The following MAP3K3 variants were observed in gnomAD, a reference collection of about 807,000 sequenced individuals.
MAP3K3 encodes mitogen-activated protein kinase kinase kinase 3.
A neutral mutation model predicts 80.9 loss-of-function variants in MAP3K3; 12 were observed. The ratio of observed to expected loss-of-function variants is 0.15; its 90% confidence interval spans 0.10 to 0.24. The LOEUF is 0.24. MAP3K3 is among the 10% of genes least tolerant of loss of function. MAP3K3 has a pLI of 1.00. For synonymous variants in MAP3K3, 272 were observed against 307.1 expected, an observed-to-expected ratio of 0.89 and a Z score of 1.19; for missense variants, 596 against 834.7, an observed-to-expected ratio of 0.71 and a Z score of 3.52.
At position 63,652,640 on chromosome 17, in the gene MAP3K3, A is replaced by G; in HGVS notation, c.251A>G (p.His84Arg). Reference protein sequence around the residue: ...TTVFGQPLDLHYMNNELSILL... With the variant: ...TTVFGQPLDLRYMNNELSILL... Reference sequence around the variant, plus strand: ...GTATTTGGACAACCTCTTGATCTACATTACATGAACAATGAGGTGAGAAGG... The same window carrying G: ...GTATTTGGACAACCTCTTGATCTACGTTACATGAACAATGAGGTGAGAAGG... The change falls in exon 4 of 16, where the codon CAT (histidine) becomes CGT (arginine). Residue 84 changes from histidine to arginine, a missense_variant. Coordinates refer to ENST00000361733, the MANE Select transcript of MAP3K3 (RefSeq NM_002401.5). The G allele has an allele frequency of 6.2e-7, 1 of 1,612,708 alleles. No homozygotes were observed. The highest frequency in any genetic ancestry group is 8.5e-7 in the Non-Finnish European group (1 of 1,178,642).
At chr17:63,690,231 A>C (rs2035555586) in intron 11 of MAP3K3, 33 bp from the exon 12 acceptor site, 1 of 1,602,528 alleles carries the variant, frequency 6.2e-7, no homozygotes, top group Non-Finnish European at 8.5e-7. Flanking sequence ...AATAATGTAC[A>C]CAAAGTAACT....
intron 2 of MAP3K3, among the ~76,000 whole-genome samples, chr17:63,633,317 T>C (rs1314510307): frequency 6.6e-6 from 1 of 152,180 alleles, no homozygotes; most frequent in African/African-American, 2.4e-5. Context: ...TCATCTGTTA[T>C]GGGGACAGTA....
intron 3 of MAP3K3, among the ~76,000 whole-genome samples, chr17:63,651,607 C>T (rs1055869860): frequency 2.6e-5 from 4 of 152,218 alleles, no homozygotes; most frequent in Admixed American, 6.5e-5. Context: ...TTTTCCCAGT[C>T]TTGTTTTATC....
chr17:63,693,598 G>A lies in MAP3K3; in HGVS notation c.1702G>A (p.Ala568Thr). 6.2e-7 allele frequency: 1 copy of A among 1,608,940 alleles called. No homozygotes were observed. Among genetic ancestry groups the A allele is most frequent in the South Asian group, 1.1e-5 (1 of 90,418 alleles). ...GATGCTGACAGAGAAACCACCGTGG[G>A]CAGAGTATGAAGCTATGGCCGCCAT... ...VEMLTEKPPW[A>T]EYEAMAAIFK... The change falls in exon 16 of 16, where the codon GCA (alanine) becomes ACA (threonine). Residue 568 changes from alanine (A) to threonine (T), a missense_variant. Ala to Thr is a moderately conservative substitution (Grantham distance 58). Around this residue, in one of 2 missense-constraint regions of MAP3K3, gnomAD observed 364 missense variants for 588.9 expected, o/e 0.62. Coordinates refer to ENST00000361733, the MANE Select transcript of MAP3K3 (RefSeq NM_002401.5). The surrounding 1 kb of genome is among the most constrained non-coding windows in gnomAD (Gnocchi z 4.2).
intron 12 of MAP3K3, 136 bp from the exon 13 acceptor site, chr17:63,690,964 AAG>A (rs934903264): frequency 4.0e-6 from 4 of 1,010,026 alleles, no homozygotes; most frequent in African/African-American, 1.6e-5. Context: ...CTAGACAGTT[AAG>A]AGAGTCCCCC....
intron 3 of MAP3K3, 99 bp from the exon 4 acceptor site, chr17:63,652,458 T>TATGTTGAG: frequency 1.3e-6 from 1 of 776,466 alleles, no homozygotes; most frequent in Non-Finnish European, 2.2e-6. Context: ...AACAGAATCC[T>TATGTTGAG]ATGTTGAGAA....
intron 6 of MAP3K3, among the ~76,000 whole-genome samples, chr17:63,670,997 T>G (rs952911848): frequency 6.6e-6 from 1 of 152,152 alleles, no homozygotes; most frequent in African/African-American, 2.4e-5. Context: ...TTTGAAAAGA[T>G]TGATCTGGCT....
intron 2 of MAP3K3, among the ~76,000 whole-genome samples, chr17:63,640,465 G>A (rs1190872889): frequency 5.9e-5 from 9 of 152,136 alleles, no homozygotes; most frequent in Admixed American, 5.9e-4. Context: ...CTGCAGTTCT[G>A]AGATCCAAAC....
At chr17:63,676,246 ATTT>A (rs2035217018) in intron 6 of MAP3K3, among the ~76,000 whole-genome samples, 1 of 152,080 alleles carries the variant, frequency 6.6e-6, no homozygotes, top group Non-Finnish European at 1.5e-5. Context: ...AACCTTTGCT[ATTT>A]TTCCCCCCAG....
intron 6 of MAP3K3, among the ~76,000 whole-genome samples, chr17:63,669,970 G>A (rs896496464): frequency 6.6e-6 from 1 of 151,916 alleles, no homozygotes; most frequent in Non-Finnish European, 1.5e-5. Flanking sequence ...AAGTGTGGTG[G>A]TGCAAGCTTG....
At chr17:63,654,322 G>A (rs1034355970) in intron 4 of MAP3K3, among the ~76,000 whole-genome samples, 5 of 152,056 alleles carry the variant, frequency 3.3e-5, no homozygotes, top group African/African-American at 1.2e-4. Context: ...CATACAGTAC[G>A]TGACCTTTTT....
intron 6 of MAP3K3, among the ~76,000 whole-genome samples, chr17:63,676,362 CA>C (rs1224824871): frequency 6.6e-6 from 1 of 152,172 alleles, no homozygotes; most frequent in Non-Finnish European, 1.5e-5. Flanking sequence ...GGACAGGTGT[CA>C]GGGGGACCAT....
chr17:63,622,706 C>T lies in MAP3K3; in HGVS notation c.-54C>T, dbSNP rs2034011646. On this transcript the variant is annotated 5_prime_UTR_variant, in exon 1 of 16. Transcript: ENST00000361733. ...CGCCCGGGCCCCCGGCATGCAGCCC[C>T]GGCTGCGGAGGTGACACTCACGGAC... The T allele has an allele frequency of 4.4e-6, 2 of 451,326 alleles. No homozygotes were observed. The highest frequency in any genetic ancestry group is 2.7e-5 in the Admixed American group (1 of 36,926). 28.0% of individuals were successfully genotyped at this position (451,326 alleles called of 1,614,324 possible). A position where few individuals can be genotyped will look rare whatever the true frequency, so the allele number is the denominator to read the frequency against.
chr17:63,660,687 G>T (rs1008234835), intron 5 of MAP3K3, among the ~76,000 whole-genome samples: 14 of 151,972 alleles, frequency 9.2e-5, no homozygotes, highest in African/African-American at 3.1e-4. Flanking sequence ...CTGGCTTCCA[G>T]GTTCAAGTGA....
chr17:63,652,244 A>T (rs2034671243), intron 3 of MAP3K3, among the ~76,000 whole-genome samples: 1 of 151,804 alleles, frequency 6.6e-6, no homozygotes, highest in Admixed American at 6.6e-5. Flanking sequence ...GTGTGTTCTC[A>T]TCGTTGGAAC....
intron 5 of MAP3K3, among the ~76,000 whole-genome samples, chr17:63,658,900 A>G (rs972703703): frequency 3.9e-5 from 6 of 152,050 alleles, no homozygotes; most frequent in Middle Eastern, 3.4e-3. Flanking sequence ...ATGCCTGGCT[A>G]ATTTTTGTAT....
chr17:63,635,979 G>A (rs2034315474), intron 2 of MAP3K3, among the ~76,000 whole-genome samples: 1 of 152,164 alleles, frequency 6.6e-6, no homozygotes, highest in Non-Finnish European at 1.5e-5. Flanking sequence ...GGTGGAATGG[G>A]GCTGGCAGAG....
chr17:63,628,896 C>CA (rs1334537532), intron 1 of MAP3K3, among the ~76,000 whole-genome samples: 3 of 152,108 alleles, frequency 2.0e-5, no homozygotes, highest in Non-Finnish European at 4.4e-5. Flanking sequence ...ATAATAATAG[C>CA]CAGCATTTTT....
chr17:63,692,820 T>G lies in MAP3K3; in HGVS notation c.1652+401T>G, dbSNP rs1452277031. The stretch of plus-strand genomic sequence containing the variant: ...AAATGGCCCCTAAGTCAGGAGAGCT[T>G]CTCCCCTTGGAAAGCTATTGTGGTG... On this transcript the variant is annotated intron_variant, in intron 15 of 15. Coordinates refer to ENST00000361733, the MANE Select transcript of MAP3K3 (RefSeq NM_002401.5). This position sits in a 1 kb window ranked among gnomAD's most constrained non-coding sequence, Gnocchi z 4.5. 1.3e-5 allele frequency among the ~76,000 whole-genome samples: 2 copies of G among 152,190 alleles called. No homozygotes were observed. Among genetic ancestry groups the G allele is most frequent in the Non-Finnish European group, 2.9e-5 (2 of 68,032 alleles).
Sources: gnomAD v4.1 joint callset for allele counts (sites outside exome capture counted in the v4.1 genomes callset) on GRCh38, gnomAD v4.1.1 for gene constraint, gnomAD v4.1.1 regional missense constraint, Gnocchi (gnomAD v3.1) non-coding constraint, MANE v1.5 for transcripts, NCBI Gene and HGNC (gene_info 2026-07-23, HGNC 2026-07-21) for gene names.